Variants in CLDN14 observed in about 807,000 individuals in gnomAD.
CLDN14 encodes claudin-14.
A neutral mutation model predicts 2.1 loss-of-function variants in CLDN14; 2 were observed. The observed-to-expected ratio is 0.96, with a 90% CI of 0.39 to 3.01. The LOEUF is 3.01. Among genes scored for constraint, CLDN14 ranks in the 30% most tolerant of loss-of-function variants. CLDN14 has a pLI of 0.09. For missense variants in CLDN14, 298 were observed against 328.0 expected (o/e 0.91, Z 0.71); for synonymous variants, 136 against 154.4 (o/e 0.88, Z 0.88).
Position 36,461,290 on chromosome 21 carries a change from C to T in CLDN14, c.406G>A (p.Val136Ile), listed in dbSNP as rs140918123. 2.8e-4 allele frequency: 459 copies of T among 1,613,772 alleles called. No individual in the cohort carries two copies. The African/African-American group carries it at 4.8e-3, about 17-fold the overall frequency. Residue 136 changes from valine (V) to isoleucine (I), a missense_variant, in exon 2 of 2, where the codon GTC (valine) becomes ATC (isoleucine). Transcript: ENST00000399135. ...ACCACGTCGTTGGTGGTCCAGGAGACGGCCACCATGCACAGGAGGCCGGCC... is the reference window on the plus strand; with the variant it reads ...ACCACGTCGTTGGTGGTCCAGGAGATGGCCACCATGCACAGGAGGCCGGCC... Reference protein sequence around the residue: ...ILAGLLCMVAVSWTTNDVVQN... With the variant: ...ILAGLLCMVAISWTTNDVVQN...
chr21:36,539,984 TG>T (rs1674577824), intron 1 of CLDN14, among the ~76,000 whole-genome samples: 1 of 150,778 alleles, frequency 6.6e-6, no homozygotes, highest in South Asian at 2.1e-4. Flanking sequence ...GTGTAGTATG[TG>T]GTATATGTGT....
chr21:36,472,043 C>T (rs1005349873), intron 1 of CLDN14, among the ~76,000 whole-genome samples: 7 of 152,190 alleles, frequency 4.6e-5, no homozygotes, highest in African/African-American at 1.7e-4. Flanking sequence ...GTGCTAAGTG[C>T]TTCTGTGGGC....
intron 1 of CLDN14, among the ~76,000 whole-genome samples, chr21:36,568,499 G>A (rs2087688209): frequency 6.6e-6 from 1 of 152,238 alleles, no homozygotes; most frequent in African/African-American, 2.4e-5. Context: ...GCATGGGGAT[G>A]GGGCAGTGGG....
At chr21:36,463,215 C>T (rs1333159916) in intron 1 of CLDN14, among the ~76,000 whole-genome samples, 1 of 152,214 alleles carries the variant, frequency 6.6e-6, no homozygotes, top group Non-Finnish European at 1.5e-5. Flanking sequence ...ACCTGGGGCT[C>T]AGCTTCTTTT....
chr21:36,511,588 T>C (rs16994201), intron 1 of CLDN14, among the ~76,000 whole-genome samples: 8,358 of 152,210 alleles, frequency 0.055, 474 homozygotes, highest in African/African-American at 0.14. Flanking sequence ...GTTTCCTGTC[T>C]GGCCCACACT....
intron 2 of CLDN14, among the ~76,000 whole-genome samples, chr21:36,492,628 C>CAAACA (rs1368208826): frequency 6.6e-6 from 1 of 151,750 alleles, no homozygotes; most frequent in African/African-American, 2.4e-5. Flanking sequence ...GACCCTGTCT[C>CAAACA]AAACAAAACA....
At chr21:36,485,688 G>A (rs1185102926) in intron 2 of CLDN14, among the ~76,000 whole-genome samples, 2 of 152,062 alleles carry the variant, frequency 1.3e-5, no homozygotes, top group Non-Finnish European at 2.9e-5. Context: ...TTTCTGTCTC[G>A]GGACACCCTG....
At chr21:36,575,645 A>G (rs994246915) in intron 1 of CLDN14, among the ~76,000 whole-genome samples, 3 of 152,240 alleles carry the variant, frequency 2.0e-5, no homozygotes, top group African/African-American at 7.2e-5. Flanking sequence ...CAGTGCTCGC[A>G]TGAAACATGG....
Position 36,486,921 on chromosome 21 carries a change from T to C in CLDN14, c.-82+23442A>G, listed in dbSNP as rs954654390. The C allele has an allele frequency of 2.0e-5, 12 of 598,928 alleles. No homozygotes were observed. In the African/African-American group the frequency reaches 2.2e-4, roughly 11 times the overall value. 37.1% of individuals were successfully genotyped at this position (598,928 alleles called of 1,614,324 possible). A position where few individuals can be genotyped will look rare whatever the true frequency, so the allele number is the denominator to read the frequency against. On this transcript the variant is annotated intron_variant, in intron 2 of 2. Coordinates refer to the CLDN14 transcript ENST00000342108. The stretch of plus-strand genomic sequence containing the variant: ...TGTCTAGAGTGAGTGTGGTCAGCAC[T>C]TCACAGTCATTAGCCAGTGTGATGA...
intron 1 of CLDN14, among the ~76,000 whole-genome samples, chr21:36,572,258 G>T (rs2087715206): frequency 6.6e-6 from 1 of 152,106 alleles, no homozygotes; most frequent in Non-Finnish European, 1.5e-5. Context: ...TGTGCAGGGG[G>T]CTTGTGTGGG....
Position 36,518,692 on chromosome 21 carries a change from G to C in CLDN14, c.-219-8192C>G, listed in dbSNP as rs370477337. Among the ~76,000 whole-genome samples, 8 of 152,192 alleles carry C rather than the reference G, an allele frequency of 5.3e-5. No individual in the cohort carries two copies. In the East Asian group the frequency reaches 1.2e-3, roughly 22 times the overall value. On this transcript the variant is annotated intron_variant, in intron 1 of 2. Coordinates refer to the CLDN14 transcript ENST00000342108. ...ATGTGGTGTTTAATTGAACAAATGT[G>C]TATTGAACTCCAGTGACCCATTTGG...
intron 1 of CLDN14, among the ~76,000 whole-genome samples, chr21:36,559,969 A>T (rs542244944): frequency 6.6e-6 from 1 of 152,292 alleles, no homozygotes; most frequent in African/African-American, 2.4e-5. Flanking sequence ...CACTCTAGAG[A>T]AAAAAAGAAT....
chr21:36,528,987 G>C (rs974773760), intron 1 of CLDN14, among the ~76,000 whole-genome samples: 3 of 152,192 alleles, frequency 2.0e-5, no homozygotes, highest in East Asian at 3.9e-4. Context: ...CTGCCCAGGA[G>C]ACTACCCCCT....
Position 36,498,914 on chromosome 21 carries a change from G to A in CLDN14, c.-82+11449C>T, listed in dbSNP as rs138411118. Among the ~76,000 whole-genome samples the A allele has an allele frequency of 6.6e-6, 1 of 152,272 alleles. No individual in the cohort carries two copies. The highest frequency in any genetic ancestry group is 1.9e-4 in the East Asian group (1 of 5,182). On this transcript the variant is annotated intron_variant, in intron 2 of 2. Coordinates refer to the CLDN14 transcript ENST00000342108. This position sits in a 1 kb window ranked among gnomAD's most constrained non-coding sequence, Gnocchi z 4.9. ...CCAGGAACCTGTCCCTTTCTTCTAG[G>A]TGGTTCGCTCAGCAAGGGTACTTTT...
At chr21:36,529,682 T>A (rs751054034) in intron 1 of CLDN14, among the ~76,000 whole-genome samples, 1 of 152,184 alleles carries the variant, frequency 6.6e-6, no homozygotes, top group Non-Finnish European at 1.5e-5. Context: ...TGTAATAATT[T>A]CCCTTAATCC....
chr21:36,567,664 G>A (rs537003093), intron 1 of CLDN14, among the ~76,000 whole-genome samples: 4 of 152,262 alleles, frequency 2.6e-5, no homozygotes, highest in South Asian at 2.1e-4. Flanking sequence ...GGTTGCTCTC[G>A]TCTCTAGACC....
intron 1 of CLDN14, among the ~76,000 whole-genome samples, chr21:36,518,167 C>T (rs1003722739): frequency 2.0e-5 from 3 of 152,122 alleles, no homozygotes; most frequent in Non-Finnish European, 4.4e-5. Context: ...CCCAAAGTTT[C>T]AGTTTCTGGT....
intron 1 of CLDN14, among the ~76,000 whole-genome samples, chr21:36,555,953 GA>G (rs2087596776): frequency 6.6e-6 from 1 of 151,996 alleles, no homozygotes; most frequent in Admixed American, 6.6e-5. Flanking sequence ...GGAATTTTAA[GA>G]ATTCTCACTT....
At chr21:36,479,425 G>C (rs1453091501) in intron 1 of CLDN14, 70 bp downstream of exon 1, 1 of 152,234 alleles carries the variant, frequency 6.6e-6, no homozygotes, top group Admixed American at 6.5e-5. Flanking sequence ...AGGGCCTAAG[G>C]GCTTCCAAAA....
Sources: gnomAD v4.1 joint callset for allele counts (sites outside exome capture counted in the v4.1 genomes callset) on GRCh38, gnomAD v4.1.1 for gene constraint, Gnocchi (gnomAD v3.1) non-coding constraint, MANE v1.5 for transcripts, NCBI Gene and HGNC (gene_info 2026-07-23, HGNC 2026-07-21) for gene names.